Variants in NID2 observed in about 807,000 individuals in gnomAD.
NID2 encodes nidogen 2.
In NID2, 83 loss-of-function variants were observed where a neutral mutation model predicts 145.4. That is an observed-to-expected ratio of 0.57 (90% CI 0.48 to 0.69). The LOEUF (loss-of-function observed/expected upper bound fraction) is 0.69, where lower values mean the gene tolerates loss of function less well. Among genes scored for constraint, NID2 ranks in the 30% least tolerant of loss-of-function variants. The pLI, the probability that NID2 is intolerant of heterozygous loss-of-function variation, is 0.00. For synonymous variants in NID2, 739 were observed against 701.3 expected, an observed-to-expected ratio of 1.05 and a Z score of -0.85; for missense variants, 1,807 against 1,765.7, an observed-to-expected ratio of 1.02 and a Z score of -0.42.
chr14:52,058,887 C>T (rs1013186129), intron 3 of NID2, among the ~76,000 whole-genome samples: 2 of 151,648 alleles, frequency 1.3e-5, no homozygotes, highest in Non-Finnish European at 2.9e-5. Context: ...AGGGTGGAAC[C>T]AGAGGAGGGA....
At chr14:52,021,031 C>A (rs1473394466) in intron 12 of NID2, among the ~76,000 whole-genome samples, 3 of 144,176 alleles carry the variant, frequency 2.1e-5, no homozygotes, top group African/African-American at 7.7e-5. Flanking sequence ...AGAAAAAAAG[C>A]AGCTCTGAGA....
chr14:52,011,193 A>G, intron 17 of NID2, 146 bp from the exon 18 acceptor site: 2 of 702,686 alleles, frequency 2.8e-6, no homozygotes, highest in South Asian at 3.9e-5. Context: ...AGGTTAATAG[A>G]GAAACAAGTA....
intron 16 of NID2, among the ~76,000 whole-genome samples, chr14:52,014,003 C>T (rs975340846): frequency 1.3e-5 from 2 of 152,222 alleles, no homozygotes; most frequent in African/African-American, 4.8e-5. Context: ...CCTTGGATCA[C>T]CATACAGCCT....
In NID2 at chr14:52,005,279, A is replaced by AACAACCTTCATTTTT; in HGVS notation, c.*192_*206dup. 2.4e-6 allele frequency: 1 copy of AACAACCTTCATTTTT among 410,966 alleles called. No individual in the cohort carries two copies. Among genetic ancestry groups the AACAACCTTCATTTTT allele is most frequent in the Non-Finnish European group, 4.3e-6 (1 of 235,044 alleles). 25.5% of individuals were successfully genotyped at this position (410,966 alleles called of 1,614,324 possible). A position where few individuals can be genotyped will look rare whatever the true frequency, so the allele number is the denominator to read the frequency against. On this transcript the variant is annotated 3_prime_UTR_variant, in exon 22 of 22. Coordinates refer to ENST00000216286, the MANE Select transcript of NID2 (RefSeq NM_007361.4). ...TCTGTTACCTTTTTAAACTTGCAAT[A>AACAACCTTCATTTTT]ACAACCTTCATTTTTAAAAATACAG...
intron 2 of NID2, 24 bp from the exon 3 acceptor site, chr14:52,060,380 G>A (rs975026): frequency 0.16 from 85,954 of 524,348 alleles, 8,026 homozygotes; most frequent in East Asian, 0.49. Flanking sequence ...AAAAAAAAAA[G>A]AGAGAGAGAG....
intron 3 of NID2, 149 bp downstream of exon 3, chr14:52,059,975 G>A (rs1397228923): frequency 1.9e-6 from 1 of 536,960 alleles, no homozygotes; most frequent in East Asian, 2.8e-5. Context: ...ATCCTTCCAG[G>A]GTTGAATCTA....
In NID2 at chr14:52,014,374, G is replaced by C. The variant is rs1891138329; in HGVS notation, c.3333C>G (p.Leu1111=). The change falls in exon 16 of 22, where the codon CTC becomes CTG. Residue 1111 remains leucine, a synonymous_variant. Transcript: ENST00000216286. The stretch of plus-strand genomic sequence containing the variant: ...AGCCAATCTGCTGGCCCTGAGTATA[G>C]AGCAGGAAGGTGCCCACAGATGGAG... ...VTPPSVGTFL[L]YTQGQQIGYL... is the part of the protein sequence containing the mutation. 2.5e-6 allele frequency: 4 copies of C among 1,614,136 alleles called. No individual in the cohort carries two copies. In the Admixed American group the frequency reaches 5.0e-5, roughly 20 times the overall value.
chr14:52,005,445 T>G lies in NID2; in HGVS notation c.*41A>C. 6.4e-7 allele frequency: 1 copy of G among 1,557,896 alleles called. No homozygotes were observed. Among genetic ancestry groups the G allele is most frequent in the Non-Finnish European group, 8.6e-7 (1 of 1,156,180 alleles). On this transcript the variant is annotated 3_prime_UTR_variant, in exon 22 of 22. Coordinates refer to ENST00000216286, the MANE Select transcript of NID2 (RefSeq NM_007361.4). ...CAGTCACTGTTCTTTAGGGTCCAGG[T>G]TCTGATTGTAAACTCCAAGTCTTCC...
At position 52,042,255 on chromosome 14, in the gene NID2, C is replaced by T. The variant is rs781470676; in HGVS notation, c.1675G>A (p.Val559Met). The part of the protein sequence containing the change: ...FTDVDLHAYI[V>M]GNDGRAYTAI... ...GTGTAGGCTCTGCCATCATTGCCCA[C>T]GATATACGCATGCAGGTCCACATCA... is the stretch of plus-strand genomic sequence containing the variant. Residue 559 changes from valine (V) to methionine (M), a missense_variant, in exon 7 of 22, where the codon GTG (valine) becomes ATG (methionine). Transcript: ENST00000216286. 1.9e-6 allele frequency: 3 copies of T among 1,614,058 alleles called. No individual in the cohort carries two copies. Among genetic ancestry groups the T allele is most frequent in the East Asian group, 4.5e-5 (2 of 44,896 alleles).
Position 52,040,672 on chromosome 14 carries a change from G to C in NID2, c.2005C>G (p.Leu669Val), listed in dbSNP as rs992367479. 1 of 1,613,914 alleles carries C rather than the reference G, an allele frequency of 6.2e-7. No homozygotes were observed. The highest frequency in any genetic ancestry group is 8.5e-7 in the Non-Finnish European group (1 of 1,179,918). The change falls in exon 8 of 22, where the codon CTG becomes GTG. Residue 669 changes from leucine to valine, a missense_variant. Leu to Val is a conservative substitution (Grantham distance 32, BLOSUM62 1). Coordinates refer to ENST00000216286, the MANE Select transcript of NID2 (RefSeq NM_007361.4). ...FTAHISPYKE[L>V]YHYSDSTVTS... ...ATACTGGAGTCGGAGTAGTGGTACA[G>C]CTCCTTGTAGGGAGAGATGTGGGCT...
chr14:52,056,130 G>A (rs1251262928), intron 3 of NID2, among the ~76,000 whole-genome samples: 1 of 152,148 alleles, frequency 6.6e-6, no homozygotes, highest in Non-Finnish European at 1.5e-5. Flanking sequence ...AAGACAGTAG[G>A]AGAAAATCCT....
intron 5 of NID2, among the ~76,000 whole-genome samples, chr14:52,048,278 C>A (rs1440071024): frequency 2.6e-5 from 4 of 152,194 alleles, no homozygotes; most frequent in Non-Finnish European, 4.4e-5. Context: ...TACAGACGCA[C>A]AGCAGCCAGA....
At chr14:52,060,386 G>C in intron 2 of NID2, 30 bp from the exon 3 acceptor site, 4 of 1,116,908 alleles carry the variant, frequency 3.6e-6, no homozygotes, top group Non-Finnish European at 3.7e-6. Context: ...AAAAGAGAGA[G>C]AGAGAGAGAG....
chr14:52,037,751 T>TAAC (rs1892123564), intron 9 of NID2, among the ~76,000 whole-genome samples: 1 of 152,252 alleles, frequency 6.6e-6, no homozygotes, highest in Non-Finnish European at 1.5e-5. Flanking sequence ...ATTCACATCT[T>TAAC]AACAGTATTA....
chr14:52,007,920 G>C lies in NID2; in HGVS notation c.3770C>G (p.Thr1257Arg). The C allele has an allele frequency of 1.9e-6, 3 of 1,613,386 alleles. No individual in the cohort carries two copies. Among genetic ancestry groups the C allele is most frequent in the Non-Finnish European group, 1.7e-6 (2 of 1,179,660 alleles). ...DWNREAPKIE[T>R]SSLDGENRRI... Reference sequence around the variant, plus strand: ...TCTGTTTTCTCCATCTAAAGATGACGTTTCAATTTTAGGAGCTTCTCTATT... The same window carrying C: ...TCTGTTTTCTCCATCTAAAGATGACCTTTCAATTTTAGGAGCTTCTCTATT... Residue 1257 changes from threonine to arginine, a missense_variant, in exon 19 of 22, where the codon ACG (threonine) becomes AGG (arginine). Thr to Arg is a moderately conservative substitution (Grantham distance 71). Transcript: ENST00000216286.
chr14:52,043,177 C>T lies in NID2; in HGVS notation c.1430-246G>A, dbSNP rs71422050. Among the ~76,000 whole-genome samples the T allele has an allele frequency of 0.062, 9,510 of 152,170 alleles. 384 individuals are homozygous for T. The highest frequency in any genetic ancestry group is 0.14 in the Middle Eastern group (40 of 294). Reference sequence around the variant, plus strand: ...TGGTGAACTAAGATGAGACTGCACCCGTGGGTTTGAGTGCAGTAAAATGAA... The same window carrying T: ...TGGTGAACTAAGATGAGACTGCACCTGTGGGTTTGAGTGCAGTAAAATGAA... On this transcript the variant is annotated intron_variant, in intron 5 of 21. Transcript: ENST00000216286.
chr14:52,053,292 G>C (rs1892736245), intron 5 of NID2, among the ~76,000 whole-genome samples: 1 of 152,200 alleles, frequency 6.6e-6, no homozygotes. Context: ...TTACACTTGA[G>C]AGCGTAGCTG....
chr14:52,041,657 T>C (rs1249954314), intron 7 of NID2, among the ~76,000 whole-genome samples: 1 of 152,142 alleles, frequency 6.6e-6, no homozygotes, highest in African/African-American at 2.4e-5. Context: ...GTGATGTGTG[T>C]GCAGGTTCAA....
At chr14:52,042,378 TG>T (rs745909679) in intron 6 of NID2, 28 bp from the exon 7 acceptor site, 1 of 1,590,624 alleles carries the variant, frequency 6.3e-7, no homozygotes, top group Non-Finnish European at 8.6e-7. Context: ...CAGTTAGGCT[TG>T]GACGTCATCC....
Sources: gnomAD v4.1 joint callset for allele counts (sites outside exome capture counted in the v4.1 genomes callset) on GRCh38, gnomAD v4.1.1 for gene constraint, MANE v1.5 for transcripts, NCBI Gene and HGNC (gene_info 2026-07-23, HGNC 2026-07-21) for gene names.